The following PPP2R1A variants were observed in gnomAD, a reference collection of about 807,000 sequenced individuals.
PPP2R1A encodes the protein serine/threonine-protein phosphatase 2A 65 kDa regulatory subunit A alpha isoform.
In PPP2R1A, 15 loss-of-function variants were observed where a neutral mutation model predicts 67.1. The ratio of observed to expected loss-of-function variants is 0.22; its 90% CI spans 0.15 to 0.34. PPP2R1A has a LOEUF of 0.34. Ranked by LOEUF, PPP2R1A falls within the 10% of genes least tolerant of loss-of-function variation. The probability of loss-of-function intolerance (pLI) is 1.00; values close to 1 mark genes in which losing one functional copy is unlikely to be tolerated. For missense variants in PPP2R1A, 369 were observed against 775.0 expected, an observed-to-expected ratio of 0.48 and a Z score of 6.22; for synonymous variants, 337 against 325.0, an observed-to-expected ratio of 1.04 and a Z score of -0.40.
chr19:52,220,961 A>G lies in PPP2R1A; in HGVS notation c.1364-18A>G, dbSNP rs1338288718. On this transcript the variant is annotated intron_variant, in intron 11 of 14. Transcript: ENST00000322088. ...TCACCTCCAAATCCCTGTCTCTCTC[A>G]CCCTCACCCTTCTGCAGTATATGCC... 2 of 1,613,698 alleles carry G rather than the reference A, an allele frequency of 1.2e-6. No homozygotes were observed. The highest frequency in any genetic ancestry group is 1.3e-5 in the African/African-American group (1 of 74,986).
At chr19:52,224,060 G>C (rs1010896638) in intron 13 of PPP2R1A, among the ~76,000 whole-genome samples, 4 of 152,166 alleles carry the variant, frequency 2.6e-5, no homozygotes, top group African/African-American at 9.7e-5. Flanking sequence ...GCAGCAACAG[G>C]TGACTCTCAC....
At chr19:52,224,708 G>A (rs1455657641) in intron 13 of PPP2R1A, among the ~76,000 whole-genome samples, 1 of 152,036 alleles carries the variant, frequency 6.6e-6, no homozygotes, top group Non-Finnish European at 1.5e-5. Flanking sequence ...AGTTTGTTTG[G>A]TTTTCCTTTG....
chr19:52,229,274 C>T lies in PPP2R1A; in HGVS notation c.*3293C>T. Reference sequence around the variant, plus strand: ...CCTGACCAATTCAGTGAAACCCTGTCTTTACTAAAAATATGAAAAAATTAG... The same window carrying T: ...CCTGACCAATTCAGTGAAACCCTGTTTTTACTAAAAATATGAAAAAATTAG... On this transcript the variant is annotated 3_prime_UTR_variant, in exon 15 of 15. Transcript: ENST00000322088. 1 of 152,256 alleles carries T rather than the reference C, an allele frequency of 6.6e-6. No individual in the cohort carries two copies. The highest frequency in any genetic ancestry group is 1.5e-5 in the Non-Finnish European group (1 of 68,088). 9.4% of individuals were successfully genotyped at this position (152,256 alleles called of 1,614,324 possible). A position where few individuals can be genotyped will look rare whatever the true frequency, so the allele number is the denominator to read the frequency against.
At chr19:52,221,888 A>T in intron 12 of PPP2R1A, 1 of 493,358 alleles carries the variant, frequency 2.0e-6, no homozygotes, top group Non-Finnish European at 3.5e-6. Flanking sequence ...TCTCCAGAAT[A>T]ATTAAGGGAA....
intron 1 of PPP2R1A, among the ~76,000 whole-genome samples, chr19:52,195,816 G>C (rs936064053): frequency 3.3e-5 from 5 of 152,160 alleles, no homozygotes; most frequent in African/African-American, 1.2e-4. Context: ...ACCTCTGTGT[G>C]TTCGGCTATG....
At chr19:52,205,207 T>C (rs1352105159) in intron 2 of PPP2R1A, among the ~76,000 whole-genome samples, 1 of 152,222 alleles carries the variant, frequency 6.6e-6, no homozygotes, top group Non-Finnish European at 1.5e-5. Flanking sequence ...CAGCTTGTGC[T>C]GTGCAGAGAT....
intron 12 of PPP2R1A, 126 bp downstream of exon 12, chr19:52,221,259 A>C: frequency 7.4e-7 from 1 of 1,359,200 alleles, no homozygotes; most frequent in Non-Finnish European, 1.0e-6. Flanking sequence ...TGCATCTTCT[A>C]TCCAGAGATG....
At chr19:52,200,807 C>CA (rs1462012612) in intron 1 of PPP2R1A, among the ~76,000 whole-genome samples, 1 of 113,018 alleles carries the variant, frequency 8.8e-6, no homozygotes, top group Non-Finnish European at 2.0e-5. Flanking sequence ...TGCGTGCCTT[C>CA]CCCTCTGTAT....
At position 52,219,568 on chromosome 19, in the gene PPP2R1A, G is replaced by A; in HGVS notation, c.1129-123G>A. 2.0e-6 allele frequency: 2 copies of A among 989,582 alleles called. No homozygotes were observed. The highest frequency in any genetic ancestry group is 2.9e-6 in the Non-Finnish European group (2 of 692,188). The allele number at this position is 989,582 out of a possible 1,614,324, so 61.3% of individuals were successfully genotyped here. A position where few individuals can be genotyped will look rare whatever the true frequency, so the allele number is the denominator to read the frequency against. On this transcript the variant is annotated intron_variant, in intron 9 of 14. Transcript: ENST00000322088. This position sits in a 1 kb window ranked among gnomAD's most constrained non-coding sequence, Gnocchi z 4.0. The stretch of plus-strand genomic sequence containing the variant: ...ATGTGTTCCCAGAACGGGGAGCTGG[G>A]CTTGGACAGGAGTAGTCCCTCGGGA...
In PPP2R1A at chr19:52,213,006, C is replaced by T. The variant is rs770524297; in HGVS notation, c.703C>T (p.Leu235=). 2.4e-5 allele frequency: 39 copies of T among 1,612,030 alleles called. No individual in the cohort carries two copies. Among genetic ancestry groups the T allele is most frequent in the South Asian group, 2.2e-4 (20 of 90,918 alleles). The change falls in exon 6 of 15, where the codon CTG becomes TTG. Residue 235 remains leucine, a synonymous_variant. Transcript: ENST00000322088. The surrounding 1 kb of genome is among the most constrained non-coding windows in gnomAD (Gnocchi z 4.2). ...GGCGTGCGTGAACATCGCCCAGCTT[C>T]TGCCCCAGGAGGATCTGGAGGCCCT... ...VEACVNIAQL[L]PQEDLEALVM...
In PPP2R1A at chr19:52,216,579, C is replaced by T. The variant is rs773142135; in HGVS notation, c.1044C>T (p.Val348=). ...NQHVKSALAS[V]IMGLSPILGK... is the part of the protein sequence containing the mutation. Reference sequence around the variant, plus strand: ...ATGTCAAGTCTGCCCTGGCCTCAGTCATCATGGGTCTCTCTCCCATCTTGG... The same window carrying T: ...ATGTCAAGTCTGCCCTGGCCTCAGTTATCATGGGTCTCTCTCCCATCTTGG... Residue 348 remains valine (V), a synonymous_variant, in exon 9 of 15, where the codon GTC becomes GTT. Transcript: ENST00000322088. The surrounding 1 kb of genome is among the most constrained non-coding windows in gnomAD (Gnocchi z 4.3). The T allele has an allele frequency of 6.2e-7, 1 of 1,614,166 alleles. No homozygotes were observed. Among genetic ancestry groups the T allele is most frequent in the Non-Finnish European group, 8.5e-7 (1 of 1,180,042 alleles).
intron 1 of PPP2R1A, among the ~76,000 whole-genome samples, chr19:52,196,587 G>C (rs1175541875): frequency 3.3e-5 from 5 of 152,190 alleles, no homozygotes; most frequent in Non-Finnish European, 5.9e-5. Context: ...TCTTTGCCAA[G>C]AACTAGGTCA....
At chr19:52,217,109 G>A (rs2122352600) in intron 9 of PPP2R1A, among the ~76,000 whole-genome samples, 1 of 152,276 alleles carries the variant, frequency 6.6e-6, no homozygotes, top group Non-Finnish European at 1.5e-5. Context: ...AGTATCACTT[G>A]AACTCAGGAG....
At chr19:52,224,738 C>A (rs796437420) in intron 13 of PPP2R1A, among the ~76,000 whole-genome samples, 1 of 152,170 alleles carries the variant, frequency 6.6e-6, no homozygotes, top group East Asian at 1.9e-4. Flanking sequence ...CTCGCTCTGT[C>A]GCCCAGACTG....
chr19:52,222,424 A>G (rs768690155), intron 13 of PPP2R1A, 183 bp downstream of exon 13: 25 of 874,872 alleles, frequency 2.9e-5, no homozygotes, highest in Non-Finnish European at 3.7e-5. Context: ...TCACAGCATG[A>G]AATAGAAAGA....
At chr19:52,208,698 C>T (rs568546897) in intron 3 of PPP2R1A, among the ~76,000 whole-genome samples, 1 of 152,014 alleles carries the variant, frequency 6.6e-6, no homozygotes, top group Non-Finnish European at 1.5e-5. Flanking sequence ...CAGGGTTTCA[C>T]CATGTTGGCC....
rs933545102 is a variant in PPP2R1A at position 52,219,685 on chromosome 19, C to T, written c.1129-6C>T. 3 of 1,608,832 alleles carry T rather than the reference C, an allele frequency of 1.9e-6. No homozygotes were observed. Among genetic ancestry groups the T allele is most frequent in the Non-Finnish European group, 2.6e-6 (3 of 1,176,270 alleles). On this transcript the variant is annotated splice_polypyrimidine_tract_variant and splice_region_variant and intron_variant, in intron 9 of 14. Coordinates refer to ENST00000322088, the MANE Select transcript of PPP2R1A (RefSeq NM_014225.6). This position sits in a 1 kb window ranked among gnomAD's most constrained non-coding sequence, Gnocchi z 4.0. ...TTCTCTCAGAATCCTTCTTTCCTCT[C>T]CTCAGTGCCCTGAGGTACGGCTGAA... is the stretch of plus-strand genomic sequence containing the variant.
intron 1 of PPP2R1A, among the ~76,000 whole-genome samples, chr19:52,195,802 A>G (rs925973447): frequency 2.0e-5 from 3 of 152,192 alleles, no homozygotes; most frequent in African/African-American, 7.2e-5. Flanking sequence ...ACCACCCTCC[A>G]GGAACCTCTG....
chr19:52,192,144 AAGC>A (rs1899388630), intron 1 of PPP2R1A, among the ~76,000 whole-genome samples: 1 of 152,058 alleles, frequency 6.6e-6, no homozygotes, highest in Admixed American at 6.6e-5. Flanking sequence ...ACACGCCTGA[AAGC>A]AGAGGGCACA....
Sources: allele counts gnomAD v4.1 joint callset (sites outside exome capture counted in the v4.1 genomes callset), GRCh38; gene constraint gnomAD v4.1.1; non-coding constraint Gnocchi (gnomAD v3.1); transcripts MANE v1.5; gene names NCBI Gene and HGNC (gene_info 2026-07-23, HGNC 2026-07-21).